The following ATP2B2 variants were observed in gnomAD, a reference collection of about 807,000 sequenced individuals.
The protein encoded by ATP2B2 is plasma membrane calcium-transporting ATPase 2.
In ATP2B2, 15 loss-of-function variants were observed where a neutral mutation model predicts 120.0. The ratio of observed to expected loss-of-function variants is 0.12; its 90% CI spans 0.08 to 0.19. The LOEUF is 0.19. Ranked by LOEUF, ATP2B2 falls within the 10% of genes least tolerant of loss-of-function variation. ATP2B2 has a pLI of 1.00. For synonymous variants in ATP2B2, 694 were observed against 700.3 expected (o/e 0.99, Z 0.14); for missense variants, 1,045 against 1,719.8 (o/e 0.61, Z 6.94).
At chr3:10,509,765 T>A (rs1168391032), upstream of ATP2B2, among the ~76,000 whole-genome samples, 1 of 151,996 alleles carries the variant, frequency 6.6e-6, no homozygotes, top group Non-Finnish European at 1.5e-5. Flanking sequence ...CACTCCCCAC[T>A]CCCACCAAGG....
chr3:10,501,373 GTT>G (rs71626976), intron 1 of ATP2B2, among the ~76,000 whole-genome samples: 4 of 143,810 alleles, frequency 2.8e-5, no homozygotes, highest in Non-Finnish European at 4.6e-5. Flanking sequence ...TTTTTAAACG[GTT>G]TTTTTTTTTT....
intron 1 of ATP2B2, among the ~76,000 whole-genome samples, chr3:10,658,853 C>T (rs28827912): frequency 4.6e-5 from 7 of 151,032 alleles, no homozygotes; most frequent in Non-Finnish European, 1.0e-4. Flanking sequence ...AGAAAGGTCG[C>T]GTTACCCACA....
At position 10,601,888 on chromosome 3, in the gene ATP2B2, C is replaced by T. The variant is rs369531963; in HGVS notation, c.-415+18029G>A. Among the ~76,000 whole-genome samples the T allele has an allele frequency of 4.6e-5, 7 of 152,358 alleles. No individual in the cohort carries two copies. In the East Asian group the frequency reaches 7.7e-4, roughly 17 times the overall value. ...TCCAGCCATGGCCCTCCTCCCTACC[C>T]TCTTTCTTATTTGTCTTCATTTCCC... On this transcript the variant is annotated intron_variant, in intron 2 of 21. Coordinates refer to the ATP2B2 transcript ENST00000646379.
chr3:10,655,399 A>G (rs7615328), intron 1 of ATP2B2, among the ~76,000 whole-genome samples: 3,998 of 147,758 alleles, frequency 0.027, 119 homozygotes, highest in African/African-American at 0.057. Context: ...CTGCTCAATC[A>G]GAATCCCCCA....
chr3:10,648,591 T>C (rs1374862068), intron 1 of ATP2B2, among the ~76,000 whole-genome samples: 1 of 152,202 alleles, frequency 6.6e-6, no homozygotes, highest in Non-Finnish European at 1.5e-5. Flanking sequence ...AAGCCACTTA[T>C]GCTCACTGTG....
intron 14 of ATP2B2, among the ~76,000 whole-genome samples, chr3:10,353,622 G>T (rs1574989120): frequency 6.6e-6 from 1 of 152,222 alleles, no homozygotes; most frequent in Non-Finnish European, 1.5e-5. Context: ...ACTGTGGGAA[G>T]TTCTGAGCCA....
At position 10,423,679 on chromosome 3, in the gene ATP2B2, C is replaced by T. The variant is rs376557388; in HGVS notation, c.200-12864G>A. Among the ~76,000 whole-genome samples, 3 of 152,284 alleles carry T rather than the reference C, an allele frequency of 2.0e-5. No individual in the cohort carries two copies. The South Asian group carries it at 6.2e-4, about 32-fold the overall frequency. ...CGCAGACAAGAAGCACTTCCCTGTC[C>T]CTCCAGGTGGGGACGCTTTGCAGAG... is the stretch of plus-strand genomic sequence containing the variant. On this transcript the variant is annotated intron_variant, in intron 2 of 22. Transcript: ENST00000360273.
intron 1 of ATP2B2, among the ~76,000 whole-genome samples, chr3:10,474,134 A>G (rs538462542): frequency 3.5e-4 from 53 of 152,078 alleles, no homozygotes; most frequent in Admixed American, 2.0e-3. Context: ...TGGGTTAGGA[A>G]GTGGAACCAG....
At chr3:10,425,374 C>A (rs2063116052) in intron 2 of ATP2B2, among the ~76,000 whole-genome samples, 1 of 152,034 alleles carries the variant, frequency 6.6e-6, no homozygotes, top group Non-Finnish European at 1.5e-5. Context: ...AAGGGGAAGT[C>A]AATATGAACT....
chr3:10,410,531 A>C, intron 3 of ATP2B2, 87 bp downstream of exon 3: 2 of 1,445,574 alleles, frequency 1.4e-6, no homozygotes, highest in Non-Finnish European at 9.4e-7. Context: ...GGAGGAGAGG[A>C]TTATTTGTGT....
At chr3:10,393,986 A>G (rs537559278) in intron 5 of ATP2B2, among the ~76,000 whole-genome samples, 1 of 152,298 alleles carries the variant, frequency 6.6e-6, no homozygotes, top group African/African-American at 2.4e-5. Flanking sequence ...TAGGTAGCAG[A>G]ACTGGGAAGC....
At chr3:10,425,046 T>G (rs2063103097) in intron 2 of ATP2B2, among the ~76,000 whole-genome samples, 1 of 152,042 alleles carries the variant, frequency 6.6e-6, no homozygotes, top group Non-Finnish European at 1.5e-5. Flanking sequence ...ATCCCAGCAC[T>G]TTGGGAGGCT....
intron 1 of ATP2B2, among the ~76,000 whole-genome samples, chr3:10,486,336 T>C (rs1002349482): frequency 9.5e-5 from 14 of 147,350 alleles, no homozygotes; most frequent in South Asian, 4.2e-4. Context: ...TGTGTGTGTG[T>C]GTGTGTGTGT....
intron 1 of ATP2B2, among the ~76,000 whole-genome samples, chr3:10,705,148 G>C (rs1296417236): frequency 1.3e-5 from 2 of 152,180 alleles, no homozygotes; most frequent in Non-Finnish European, 2.9e-5. Flanking sequence ...GAGAAATCCT[G>C]CACAACAAAT....
intron 10 of ATP2B2, among the ~76,000 whole-genome samples, chr3:10,376,084 C>T (rs1024640368): frequency 3.3e-5 from 5 of 152,278 alleles, no homozygotes; most frequent in Admixed American, 2.0e-4. Context: ...ACCTTTTGAG[C>T]ACCTATGACA....
At chr3:10,609,400 T>C (rs2069169864) in intron 2 of ATP2B2, among the ~76,000 whole-genome samples, 1 of 152,136 alleles carries the variant, frequency 6.6e-6, no homozygotes, top group African/African-American at 2.4e-5. Flanking sequence ...GCAAGGAGCC[T>C]CCCGGCATCG....
At chr3:10,421,848 C>T (rs763316416) in intron 2 of ATP2B2, among the ~76,000 whole-genome samples, 4 of 152,208 alleles carry the variant, frequency 2.6e-5, no homozygotes, top group African/African-American at 4.8e-5. Context: ...AACCCTCTGT[C>T]GACTTATTTA....
upstream of ATP2B2, among the ~76,000 whole-genome samples, chr3:10,507,862 C>A (rs900583475): frequency 1.4e-5 from 2 of 145,388 alleles, no homozygotes; most frequent in South Asian, 2.2e-4. Context: ...CAAGGTGGCA[C>A]AACCAGTAAA....
chr3:10,438,637 C>T (rs1370435281), intron 2 of ATP2B2, among the ~76,000 whole-genome samples: 1 of 152,166 alleles, frequency 6.6e-6, no homozygotes, highest in Non-Finnish European at 1.5e-5. Flanking sequence ...CTGGATTGCA[C>T]CAGGAGGAGT....
Sources: allele counts gnomAD v4.1 joint callset (sites outside exome capture counted in the v4.1 genomes callset), GRCh38; gene constraint gnomAD v4.1.1; transcripts MANE v1.5; gene names NCBI Gene and HGNC (gene_info 2026-07-23, HGNC 2026-07-21).